PTN: variants seen among roughly 807,000 people sequenced by gnomAD.
PTN encodes pleiotrophin.
In PTN, 18 loss-of-function variants were observed where a neutral mutation model predicts 24.1. That is an observed-to-expected ratio of 0.75 (90% CI 0.52 to 1.11). The LOEUF (loss-of-function observed/expected upper bound fraction) is 1.11. Ranked by LOEUF, PTN falls within the 50% of genes least tolerant of loss-of-function variation. PTN has a pLI of 0.00. For synonymous variants in PTN, 78 were observed against 68.6 expected (o/e 1.14, Z -0.67); for missense variants, 163 against 198.8 (o/e 0.82, Z 1.08).
chr7:137,324,536 T>G (rs1317346092), intron 1 of PTN, among the ~76,000 whole-genome samples: 2 of 150,900 alleles, frequency 1.3e-5, no homozygotes, highest in Non-Finnish European at 2.9e-5. Context: ...CCCATGAGAT[T>G]CTAAAGAACA....
chr7:137,231,699 G>A (rs1808429342), intron 4 of PTN, among the ~76,000 whole-genome samples: 1 of 151,870 alleles, frequency 6.6e-6, no homozygotes, highest in South Asian at 2.1e-4. Context: ...TTACTATATA[G>A]AAAAGAGTAT....
chr7:137,237,053 A>T (rs1808535025), intron 4 of PTN, among the ~76,000 whole-genome samples: 1 of 152,182 alleles, frequency 6.6e-6, no homozygotes. Context: ...AAATAGAATC[A>T]GTTATTATGG....
At chr7:137,323,934 GA>G (rs2128881648) in intron 1 of PTN, among the ~76,000 whole-genome samples, 1 of 152,242 alleles carries the variant, frequency 6.6e-6, no homozygotes, top group East Asian at 1.9e-4. Context: ...CGTAATCTAG[GA>G]AAATCATAGA....
intron 1 of PTN, among the ~76,000 whole-genome samples, chr7:137,309,583 C>T (rs2128879633): frequency 6.6e-6 from 1 of 152,288 alleles, no homozygotes; most frequent in East Asian, 1.9e-4. Context: ...CTTCCCACTG[C>T]TTTATCACCT....
chr7:137,255,624 C>T (rs1808908448), intron 1 of PTN, among the ~76,000 whole-genome samples: 1 of 152,198 alleles, frequency 6.6e-6, no homozygotes, highest in East Asian at 1.9e-4. Flanking sequence ...GATAAATTCG[C>T]ATGTGCTAAA....
At chr7:137,261,563 T>G (rs1809038538) in intron 1 of PTN, among the ~76,000 whole-genome samples, 1 of 152,192 alleles carries the variant, frequency 6.6e-6, no homozygotes, top group South Asian at 2.1e-4. Flanking sequence ...ATTTCCCCTT[T>G]GCCCTGTGAA....
In PTN at chr7:137,318,019, C is replaced by T. The variant is rs185806167; in HGVS notation, c.-2+25420G>A. Among the ~76,000 whole-genome samples the T allele has an allele frequency of 2.6e-3, 402 of 152,286 alleles. 2 individuals are homozygous for T. Among genetic ancestry groups the T allele is most frequent in the African/African-American group, 8.7e-3 (362 of 41,544 alleles). ...CTGTGGTTGACGCCTACAATCTCAG[C>T]ACTTTGGGAGGCCAAGGTGGGTGGA... On this transcript the variant is annotated intron_variant, in intron 1 of 4. Coordinates refer to ENST00000348225, the MANE Select transcript of PTN (RefSeq NM_002825.7).
At chr7:137,237,254 G>A (rs1336033634) in intron 4 of PTN, among the ~76,000 whole-genome samples, 1 of 151,898 alleles carries the variant, frequency 6.6e-6, no homozygotes, top group Non-Finnish European at 1.5e-5. Flanking sequence ...ATATAGTGAG[G>A]ACACAAGGAA....
At chr7:137,233,039 G>A (rs1199059282) in intron 4 of PTN, among the ~76,000 whole-genome samples, 2 of 151,866 alleles carry the variant, frequency 1.3e-5, no homozygotes, top group Non-Finnish European at 2.9e-5. Flanking sequence ...CACGAGAATG[G>A]GCTAATACAG....
At chr7:137,255,023 A>G (rs1808896754) in intron 1 of PTN, 49 bp from the exon 2 acceptor site, 2 of 1,344,986 alleles carry the variant, frequency 1.5e-6, no homozygotes, top group East Asian at 4.7e-5. Flanking sequence ...CCTAAGTCAG[A>G]AAGGAAGATT....
chr7:137,251,513 A>C (rs1427407303), intron 3 of PTN, 122 bp from the exon 4 acceptor site: 1 of 1,074,110 alleles, frequency 9.3e-7, no homozygotes, highest in Admixed American at 2.4e-5. Context: ...ATATGCAGCT[A>C]TAAGAAATAA....
chr7:137,264,580 A>G (rs1343166029), intron 1 of PTN, among the ~76,000 whole-genome samples: 21 of 152,130 alleles, frequency 1.4e-4, no homozygotes, highest in Admixed American at 1.3e-3. Flanking sequence ...ATGGTCTTGG[A>G]GGTTGGACCC....
At chr7:137,327,776 G>T (rs1810287141) in intron 1 of PTN, among the ~76,000 whole-genome samples, 1 of 152,128 alleles carries the variant, frequency 6.6e-6, no homozygotes, top group African/African-American at 2.4e-5. Context: ...CTCTAAGTCT[G>T]CTTTGTCCCC....
intron 1 of PTN, among the ~76,000 whole-genome samples, chr7:137,342,139 G>T (rs1046367481): frequency 6.6e-6 from 1 of 152,058 alleles, no homozygotes; most frequent in Non-Finnish European, 1.5e-5. Flanking sequence ...ACATATCAAT[G>T]CATTCCCGGA....
rs748720545 is a variant in PTN at position 137,254,875 on chromosome 7, C to T, written c.99G>A (p.Gly33=). 6.4e-6 allele frequency: 10 copies of T among 1,560,520 alleles called. No individual in the cohort carries two copies. Among genetic ancestry groups the T allele is most frequent in the Middle Eastern group, 3.4e-4 (2 of 5,846 alleles). ...ACTGCTTACCTGGTTTCTCTTTCTT[C>T]CCTGCTTCAGCAGTATCCACAGCTG... ...ILAAVDTAEA[G]KKEKPEKKVK... The change falls in exon 2 of 5, where the codon GGG becomes GGA. Residue 33 remains glycine, a synonymous_variant. Transcript: ENST00000348225.
chr7:137,298,148 T>C (rs970538995), intron 1 of PTN, among the ~76,000 whole-genome samples: 1 of 152,070 alleles, frequency 6.6e-6, no homozygotes. Context: ...GATTCTTAAG[T>C]ATAAAAACAT....
At chr7:137,261,047 T>G (rs1014793212) in intron 1 of PTN, among the ~76,000 whole-genome samples, 4 of 152,184 alleles carry the variant, frequency 2.6e-5, no homozygotes, top group Admixed American at 2.0e-4. Context: ...ATGAATTTGC[T>G]CTCTACTATC....
chr7:137,294,518 C>G (rs1809688930), intron 1 of PTN, among the ~76,000 whole-genome samples: 1 of 152,112 alleles, frequency 6.6e-6, no homozygotes, highest in Admixed American at 6.6e-5. Flanking sequence ...AGTCAAGTAT[C>G]TAGTCTGAAG....
At position 137,271,274 on chromosome 7, in the gene PTN, C is replaced by T. The variant is rs181683944; in HGVS notation, c.-1-16300G>A. 2.6e-5 allele frequency among the ~76,000 whole-genome samples: 4 copies of T among 152,214 alleles called. No homozygotes were observed. The East Asian group carries it at 5.8e-4, about 22-fold the overall frequency. ...TACATTTCCCAAGAAAAATAATGTC[C>T]CTTTTTAAATTTAAACATGATATCA... On this transcript the variant is annotated intron_variant, in intron 1 of 4. Coordinates refer to ENST00000348225, the MANE Select transcript of PTN (RefSeq NM_002825.7).
Sources: gnomAD v4.1 joint callset for allele counts (sites outside exome capture counted in the v4.1 genomes callset) on GRCh38, gnomAD v4.1.1 for gene constraint, MANE v1.5 for transcripts, NCBI Gene and HGNC (gene_info 2026-07-23, HGNC 2026-07-21) for gene names.